The following KIAA1217 variants were observed in gnomAD, a reference collection of about 807,000 sequenced individuals.
KIAA1217 encodes KIAA1217, also known as sickle tail protein homolog.
KIAA1217 carries 88 observed loss-of-function variants against 163.9 expected under a neutral mutation model. That is an observed-to-expected ratio of 0.54 (90% CI 0.45 to 0.64). The LOEUF is 0.64. KIAA1217 is among the 30% of genes least tolerant of loss of function. The pLI is 0.00. For synonymous variants in KIAA1217, 903 were observed against 923.1 expected, an observed-to-expected ratio of 0.98 and a Z score of 0.39; for missense variants, 2,372 against 2,475.0, an observed-to-expected ratio of 0.96 and a Z score of 0.88.
chr10:24,098,724 C>CGTGTGTGTGTGT (rs10524680), intron 2 of KIAA1217, among the ~76,000 whole-genome samples: 4,131 of 139,254 alleles, frequency 0.03, 165 homozygotes, highest in African/African-American at 0.089. Context: ...TGAAGGGGAG[C>CGTGTGTGTGTGT]GTGTGTGTGT....
At chr10:24,489,911 A>G (rs1168898192) in intron 6 of KIAA1217, among the ~76,000 whole-genome samples, 1 of 151,226 alleles carries the variant, frequency 6.6e-6, no homozygotes, top group African/African-American at 2.4e-5. Context: ...GTCATTGGCT[A>G]AAAATCATCC....
chr10:24,291,316 G>T (rs150743018), intron 2 of KIAA1217, among the ~76,000 whole-genome samples: 4 of 152,154 alleles, frequency 2.6e-5, no homozygotes, highest in Non-Finnish European at 4.4e-5. Context: ...ATCACCTGAG[G>T]TCAGGAATTC....
At chr10:23,914,795 ATC>A (rs928329194) in intron 1 of KIAA1217, among the ~76,000 whole-genome samples, 1 of 152,116 alleles carries the variant, frequency 6.6e-6, no homozygotes, top group African/African-American at 2.4e-5. Context: ...AGTTAAGTTC[ATC>A]CCCCAAAGAA....
At chr10:23,929,963 C>T (rs1339759547) in intron 1 of KIAA1217, among the ~76,000 whole-genome samples, 3 of 152,124 alleles carry the variant, frequency 2.0e-5, no homozygotes, top group Non-Finnish European at 4.4e-5. Flanking sequence ...AATCTCTGAG[C>T]TGATTTCCAC....
At chr10:24,199,211 G>T (rs1427271632) in intron 2 of KIAA1217, among the ~76,000 whole-genome samples, 2 of 152,078 alleles carry the variant, frequency 1.3e-5, no homozygotes, top group African/African-American at 4.8e-5. Flanking sequence ...CAGCCTGGGT[G>T]ACAGAGAAAG....
At chr10:23,719,853 G>A (rs964716194) in intron 1 of KIAA1217, among the ~76,000 whole-genome samples, 3 of 152,068 alleles carry the variant, frequency 2.0e-5, no homozygotes, top group Non-Finnish European at 4.4e-5. Context: ...GGTGGAGGTT[G>A]CAGTGAGCCG....
intron 2 of KIAA1217, among the ~76,000 whole-genome samples, chr10:24,019,753 A>G (rs1847655858): frequency 1.3e-5 from 2 of 152,064 alleles, no homozygotes; most frequent in Non-Finnish European, 2.9e-5. Flanking sequence ...GTTAAATCCT[A>G]GACTAGGAAA....
At chr10:23,818,519 G>A (rs893878450) in intron 1 of KIAA1217, among the ~76,000 whole-genome samples, 2 of 151,824 alleles carry the variant, frequency 1.3e-5, no homozygotes, top group Non-Finnish European at 1.5e-5. Context: ...GCCCCAGCAA[G>A]AGGAAGGAAT....
chr10:23,720,771 T>C (rs1490689551), intron 1 of KIAA1217, among the ~76,000 whole-genome samples: 1 of 152,182 alleles, frequency 6.6e-6, no homozygotes, highest in Non-Finnish European at 1.5e-5. Flanking sequence ...TCTGTCCTGG[T>C]ATTGGAAAAA....
chr10:24,022,142 C>T (rs959074125), intron 2 of KIAA1217, among the ~76,000 whole-genome samples: 3 of 151,528 alleles, frequency 2.0e-5, no homozygotes, highest in African/African-American at 7.3e-5. Flanking sequence ...GTGAAAGACA[C>T]TGTCACTAGA....
chr10:23,696,817 T>A (rs941444721), intron 1 of KIAA1217, among the ~76,000 whole-genome samples: 6 of 152,220 alleles, frequency 3.9e-5, no homozygotes, highest in African/African-American at 1.4e-4. Context: ...TCATCTTTGA[T>A]TCCCAGAGAC....
At chr10:23,944,969 G>T (rs2131342317) in intron 1 of KIAA1217, among the ~76,000 whole-genome samples, 1 of 150,632 alleles carries the variant, frequency 6.6e-6, no homozygotes, top group Non-Finnish European at 1.5e-5. Context: ...TGAGACAGGA[G>T]AATCGCTGGA....
chr10:24,521,039 AAAG>A (rs2071168898), intron 11 of KIAA1217, among the ~76,000 whole-genome samples: 1 of 149,038 alleles, frequency 6.7e-6, no homozygotes, highest in South Asian at 2.1e-4. Context: ...AAAAAAAAAA[AAAG>A]TTTTTTTTTT....
rs1365707009 is a variant in KIAA1217, at chr10:23,895,830, A to G, written c.-320-111395A>G. ...TGCAGTCATAAAAAATGATGAGTTC[A>G]TGTCCTTTGTAGGGACATGGATGAA... is the stretch of plus-strand genomic sequence containing the variant. On this transcript the variant is annotated intron_variant, in intron 1 of 18. Coordinates refer to the KIAA1217 transcript ENST00000376462. Among the ~76,000 whole-genome samples the G allele has an allele frequency of 2.6e-5, 4 of 152,020 alleles. No homozygotes were observed. In the East Asian group the frequency reaches 7.8e-4, roughly 30 times the overall value.
At chr10:24,279,850 G>A (rs377379068) in intron 2 of KIAA1217, among the ~76,000 whole-genome samples, 1 of 152,130 alleles carries the variant, frequency 6.6e-6, no homozygotes, top group South Asian at 2.1e-4. Context: ...AAAAATAGTC[G>A]TTAAGAGGGT....
intron 2 of KIAA1217, among the ~76,000 whole-genome samples, chr10:24,120,850 C>G (rs143541071): frequency 9.1e-4 from 138 of 152,272 alleles, no homozygotes; most frequent in African/African-American, 3.2e-3. Flanking sequence ...CATATCTGAA[C>G]TGCCACATCC....
intron 3 of KIAA1217, among the ~76,000 whole-genome samples, chr10:24,390,475 G>GGGAGGGAA (rs1554843363): frequency 4.9e-4 from 53 of 107,204 alleles, no homozygotes; most frequent in African/African-American, 1.8e-3. Flanking sequence ...GAGGGAGGGA[G>GGGAGGGAA]GGAAGGAAGG....
chr10:23,993,710 C>A (rs2131445260), intron 1 of KIAA1217, among the ~76,000 whole-genome samples: 1 of 151,856 alleles, frequency 6.6e-6, no homozygotes, highest in South Asian at 2.1e-4. Flanking sequence ...TGCATGCTAC[C>A]ACACCCAGCT....
chr10:24,231,103 A>T (rs2071346205), intron 2 of KIAA1217, among the ~76,000 whole-genome samples: 1 of 152,218 alleles, frequency 6.6e-6, no homozygotes, highest in Non-Finnish European at 1.5e-5. Context: ...CAATGGATGA[A>T]GTGCCAGCGT....
Sources: gnomAD v4.1 joint callset for allele counts (sites outside exome capture counted in the v4.1 genomes callset) on GRCh38, gnomAD v4.1.1 for gene constraint, MANE v1.5 for transcripts, NCBI Gene and HGNC (gene_info 2026-07-23, HGNC 2026-07-21) for gene names.